The following HEPHL1 variants were observed in gnomAD, a reference collection of about 807,000 sequenced individuals.
HEPHL1 encodes hephaestin like 1.
In HEPHL1, 123 loss-of-function variants were observed where a neutral mutation model predicts 122.0. The observed-to-expected ratio is 1.01, with a 90% CI of 0.87 to 1.17. The LOEUF (loss-of-function observed/expected upper bound fraction) is 1.17. Among genes scored for constraint, HEPHL1 ranks in the 50% most tolerant of loss-of-function variants. The pLI is 0.00. For synonymous variants in HEPHL1, 527 were observed against 508.9 expected (o/e 1.04, Z -0.48); for missense variants, 1,452 against 1,430.5 (o/e 1.01, Z -0.24).
At chr11:94,062,852 C>T (rs1416468793) in intron 2 of HEPHL1, among the ~76,000 whole-genome samples, 4 of 152,164 alleles carry the variant, frequency 2.6e-5, no homozygotes, top group African/African-American at 9.6e-5. Flanking sequence ...GAGTAAGGGG[C>T]TGTTCTGCCC....
In HEPHL1 at chr11:94,105,982, C is replaced by A; in HGVS notation, c.2906-9C>A. The A allele has an allele frequency of 3.9e-6, 6 of 1,554,958 alleles. No individual in the cohort carries two copies. The highest frequency in any genetic ancestry group is 5.2e-6 in the Non-Finnish European group (6 of 1,143,114). ...TAACCAAAGGTTATTTTCTTATCAC[C>A]TTTTAAAGCCATTAATGGAAAGATT... On this transcript the variant is annotated splice_polypyrimidine_tract_variant and intron_variant, in intron 16 of 19. Transcript: ENST00000315765.
intron 9 of HEPHL1, among the ~76,000 whole-genome samples, chr11:94,077,055 C>T (rs540251100): frequency 1.6e-4 from 24 of 152,274 alleles, no homozygotes; most frequent in African/African-American, 5.5e-4. Flanking sequence ...AACATTTGAT[C>T]TCATTTGCTT....
intron 1 of HEPHL1, among the ~76,000 whole-genome samples, chr11:94,034,246 C>A (rs1297458693): frequency 2.6e-5 from 4 of 152,200 alleles, no homozygotes; most frequent in Non-Finnish European, 5.9e-5. Context: ...GATTCTTCTA[C>A]CTTCTAAGGT....
At chr11:94,024,229 C>T (rs2460052) in intron 1 of HEPHL1, among the ~76,000 whole-genome samples, 117,308 of 152,132 alleles carry the variant, frequency 0.77, 46,018 homozygotes, top group Admixed American at 0.86. Context: ...AAATAGAAAT[C>T]CAGAGACCTA....
intron 1 of HEPHL1, among the ~76,000 whole-genome samples, chr11:94,029,712 A>G (rs572009163): frequency 4.6e-5 from 7 of 152,342 alleles, no homozygotes; most frequent in African/African-American, 1.7e-4. Context: ...TGTATAGGTG[A>G]TAAGACTGAT....
chr11:94,030,539 C>T (rs563703140), intron 1 of HEPHL1, among the ~76,000 whole-genome samples: 7 of 152,220 alleles, frequency 4.6e-5, no homozygotes, highest in African/African-American at 1.4e-4. Flanking sequence ...TGCTGGAGCT[C>T]CAGTCATCAT....
intron 2 of HEPHL1, chr11:94,055,713 A>G (rs941218633): frequency 1.1e-5 from 4 of 375,458 alleles, no homozygotes; most frequent in Non-Finnish European, 2.1e-5. Context: ...TGATCTTGAC[A>G]TTCTGTAAAT....
In HEPHL1 at chr11:94,039,462, T is replaced by C. The variant is rs577160951; in HGVS notation, c.171-6211T>C. Among the ~76,000 whole-genome samples, 41 of 149,754 alleles carry C rather than the reference T, an allele frequency of 2.7e-4. 1 individual carries two copies. The highest frequency in any genetic ancestry group is 3.6e-3 in the Middle Eastern group (1 of 280). ...CACACCTATTCCAAAATTGACCACA[T>C]AGTTGGAAGTAAAGCTCTCCTCAGC... On this transcript the variant is annotated intron_variant, in intron 1 of 19. Transcript: ENST00000315765.
chr11:94,108,920 GA>G (rs151312223), intron 17 of HEPHL1, among the ~76,000 whole-genome samples: 3,685 of 152,146 alleles, frequency 0.024, 151 homozygotes, highest in African/African-American at 0.085. Flanking sequence ...TTGGGATTTT[GA>G]TTGGTATTGC....
At chr11:94,045,207 C>T (rs1272359288) in intron 1 of HEPHL1, among the ~76,000 whole-genome samples, 1 of 152,228 alleles carries the variant, frequency 6.6e-6, no homozygotes, top group Non-Finnish European at 1.5e-5. Context: ...TGCCTGGCCT[C>T]CCTGAACTAT....
intron 5 of HEPHL1, among the ~76,000 whole-genome samples, chr11:94,069,450 C>T (rs2134431431): frequency 6.6e-6 from 1 of 152,064 alleles, no homozygotes; most frequent in Middle Eastern, 3.4e-3. Context: ...ATCAGTAGTT[C>T]CATAATAGAA....
At chr11:94,096,319 C>T (rs534486214) in intron 13 of HEPHL1, among the ~76,000 whole-genome samples, 10 of 152,278 alleles carry the variant, frequency 6.6e-5, no homozygotes, top group African/African-American at 1.4e-4. Context: ...TGATGGATTA[C>T]GTTTATTGAT....
Position 94,075,302 on chromosome 11 carries a change from G to A in HEPHL1, c.1633G>A (p.Asp545Asn), listed in dbSNP as rs1946111718. ...GACCTATCTTTACTTCTCAGCAGTT[G>A]ATCCAATTAAGGACACCAGCTCTGG... ...CLTYLYFSAV[D>N]PIKDTSSGLV... The change falls in exon 9 of 20, where the codon GAT becomes AAT. Residue 545 changes from aspartate to asparagine, a missense_variant. Physicochemically the swap from Asp to Asn is conservative, Grantham distance 23 (BLOSUM62 1). Transcript: ENST00000315765. The A allele has an allele frequency of 6.2e-7, 1 of 1,613,580 alleles. No individual in the cohort carries two copies. Among genetic ancestry groups the A allele is most frequent in the African/African-American group, 1.3e-5 (1 of 75,026 alleles).
In HEPHL1 at chr11:94,058,013, CT is replaced by C. The variant is rs1945954489; in HGVS notation, c.416-5494del. Among the ~76,000 whole-genome samples, 2 of 151,972 alleles carry C rather than the reference CT, an allele frequency of 1.3e-5. 1 individual carries two copies. The highest frequency in any genetic ancestry group is 4.1e-4 in the South Asian group (2 of 4,826). ...CTATAGTGTGTGGCCACTGAGATGTCTGCTTTTTTTATTATTTATTTTTATT... is the reference window on the plus strand; with the variant it reads ...CTATAGTGTGTGGCCACTGAGATGTCGCTTTTTTTATTATTTATTTTTATT... On this transcript the variant is annotated intron_variant, in intron 2 of 19. Coordinates refer to ENST00000315765, the MANE Select transcript of HEPHL1 (RefSeq NM_001098672.2).
intron 1 of HEPHL1, among the ~76,000 whole-genome samples, chr11:94,044,575 T>A (rs1565347590): frequency 6.6e-6 from 1 of 152,110 alleles, no homozygotes; most frequent in Non-Finnish European, 1.5e-5. Context: ...CACTCCTCAC[T>A]TCCTAGACCT....
At chr11:94,085,564 C>T (rs748809755) in intron 10 of HEPHL1, among the ~76,000 whole-genome samples, 5 of 152,074 alleles carry the variant, frequency 3.3e-5, no homozygotes, top group East Asian at 1.9e-4. Flanking sequence ...AATGCAAAGC[C>T]CACTGGCAAA....
rs118003311 is a variant in HEPHL1, at chr11:94,028,037, G to A, written c.170+6499G>A. Among the ~76,000 whole-genome samples the A allele has an allele frequency of 2.0e-3, 306 of 151,924 alleles. 1 individual carries two copies. Among genetic ancestry groups the A allele is most frequent in the Non-Finnish European group, 3.3e-3 (222 of 68,002 alleles). On this transcript the variant is annotated intron_variant, in intron 1 of 19. Transcript: ENST00000315765. ...AAACAATATTTCTTGTCCTTATTGT[G>A]ACTCTTATGATCTCACATGTTGGAT... is the stretch of plus-strand genomic sequence containing the variant.
intron 4 of HEPHL1, among the ~76,000 whole-genome samples, chr11:94,065,276 G>C (rs1946024269): frequency 6.6e-6 from 1 of 152,068 alleles, no homozygotes; most frequent in South Asian, 2.1e-4. Context: ...TTCTAACCAA[G>C]GTATCCTCAA....
intron 11 of HEPHL1, among the ~76,000 whole-genome samples, chr11:94,087,739 C>T (rs1320159521): frequency 6.6e-6 from 1 of 152,100 alleles, no homozygotes; most frequent in Admixed American, 6.5e-5. Context: ...AAGGTATCTT[C>T]TCTGTGGTTT....
Sources: gnomAD v4.1 joint callset for allele counts (sites outside exome capture counted in the v4.1 genomes callset) on GRCh38, gnomAD v4.1.1 for gene constraint, MANE v1.5 for transcripts, NCBI Gene and HGNC (gene_info 2026-07-23, HGNC 2026-07-21) for gene names.